Variants in CNTNAP2 observed in about 807,000 individuals in gnomAD.
CNTNAP2 encodes contactin-associated protein-like 2.
CNTNAP2 carries 98 observed loss-of-function variants against 155.2 expected under a neutral mutation model. That is an observed-to-expected ratio of 0.63 (90% CI 0.54 to 0.75). The LOEUF (loss-of-function observed/expected upper bound fraction) is 0.75. Ranked by LOEUF, CNTNAP2 falls within the 30% of genes least tolerant of loss-of-function variation. CNTNAP2 has a pLI of 0.00. For missense variants in CNTNAP2, 1,727 were observed against 1,688.1 expected (o/e 1.02, Z -0.40); for synonymous variants, 651 against 631.2 (o/e 1.03, Z -0.47).
intron 14 of CNTNAP2, among the ~76,000 whole-genome samples, chr7:147,914,877 C>T (rs958511381): frequency 5.9e-5 from 9 of 152,080 alleles, no homozygotes; most frequent in African/African-American, 1.7e-4. Context: ...GTGTATAATC[C>T]ATAACCTTTA....
intron 12 of CNTNAP2, among the ~76,000 whole-genome samples, chr7:147,608,789 C>T (rs779976851): frequency 4.6e-5 from 7 of 151,934 alleles, no homozygotes; most frequent in African/African-American, 7.3e-5. Flanking sequence ...CGGGTGCAGG[C>T]GGGCTGAGTC....
chr7:146,305,878 G>C (rs1253843724), intron 1 of CNTNAP2, among the ~76,000 whole-genome samples: 1 of 151,908 alleles, frequency 6.6e-6, no homozygotes, highest in African/African-American at 2.4e-5. Context: ...CTAGCAGAAG[G>C]CAAGAAATAA....
At chr7:146,365,684 G>A (rs1209020895) in intron 1 of CNTNAP2, among the ~76,000 whole-genome samples, 2 of 152,176 alleles carry the variant, frequency 1.3e-5, no homozygotes, top group Non-Finnish European at 2.9e-5. Flanking sequence ...AATGAAAAAT[G>A]TGAACTATAA....
intron 16 of CNTNAP2, among the ~76,000 whole-genome samples, chr7:148,125,061 T>A (rs1311946125): frequency 4.6e-5 from 7 of 151,900 alleles, no homozygotes; most frequent in African/African-American, 1.7e-4. Flanking sequence ...AGATTTGGGG[T>A]CAAGTCTCAG....
intron 1 of CNTNAP2, among the ~76,000 whole-genome samples, chr7:146,465,641 C>T (rs1796706454): frequency 6.6e-6 from 1 of 152,146 alleles, no homozygotes; most frequent in South Asian, 2.1e-4. Flanking sequence ...AAATGTTTAA[C>T]CAGCTTCTGG....
intron 9 of CNTNAP2, among the ~76,000 whole-genome samples, chr7:147,340,129 G>A (rs1421716023): frequency 6.6e-6 from 1 of 151,028 alleles, no homozygotes; most frequent in Non-Finnish European, 1.5e-5. Context: ...ATACTATCCA[G>A]TAGTAACTTT....
At chr7:147,848,205 G>C (rs1394670387) in intron 13 of CNTNAP2, among the ~76,000 whole-genome samples, 1 of 143,752 alleles carries the variant, frequency 7.0e-6, no homozygotes, top group East Asian at 2.1e-4. Context: ...CCTCGTTGCC[G>C]CCTTGCAGTT....
chr7:146,680,905 G>A (rs571721148), intron 1 of CNTNAP2, among the ~76,000 whole-genome samples: 6 of 152,158 alleles, frequency 3.9e-5, no homozygotes, highest in Non-Finnish European at 7.3e-5. Flanking sequence ...ATGTGTGAAG[G>A]TGTTACAAGA....
chr7:147,110,492 C>T (rs1800853430), intron 5 of CNTNAP2, among the ~76,000 whole-genome samples: 1 of 151,988 alleles, frequency 6.6e-6, no homozygotes, highest in Non-Finnish European at 1.5e-5. Context: ...AGGCTGGCAT[C>T]CATTAGCTAT....
chr7:147,831,427 A>T (rs1484748821), intron 13 of CNTNAP2, among the ~76,000 whole-genome samples: 3 of 152,178 alleles, frequency 2.0e-5, no homozygotes, highest in South Asian at 4.1e-4. Context: ...TTTCATTGTA[A>T]TATTTCTGAA....
At chr7:148,159,570 T>A (rs984940628) in intron 17 of CNTNAP2, among the ~76,000 whole-genome samples, 1 of 152,210 alleles carries the variant, frequency 6.6e-6, no homozygotes, top group Non-Finnish European at 1.5e-5. Flanking sequence ...ACCTAGGTTT[T>A]CTGCAACTCT....
chr7:147,176,603 A>T (rs1429764757), intron 8 of CNTNAP2, among the ~76,000 whole-genome samples: 18 of 144,966 alleles, frequency 1.2e-4, no homozygotes, highest in Non-Finnish European at 1.5e-5. Context: ...TCTTATATAC[A>T]TATGTATAAT....
chr7:146,432,157 A>G (rs549893919), intron 1 of CNTNAP2, among the ~76,000 whole-genome samples: 1 of 152,278 alleles, frequency 6.6e-6, no homozygotes, highest in South Asian at 2.1e-4. Flanking sequence ...AGATGATTCA[A>G]TTTACTCATT....
chr7:147,696,022 T>G (rs929575914), intron 13 of CNTNAP2, among the ~76,000 whole-genome samples: 1 of 152,208 alleles, frequency 6.6e-6, no homozygotes, highest in Admixed American at 6.5e-5. Context: ...CATGTTAGCA[T>G]GATCTATGTT....
At chr7:146,166,673 A>T (rs763985054) in intron 1 of CNTNAP2, among the ~76,000 whole-genome samples, 5 of 152,360 alleles carry the variant, frequency 3.3e-5, no homozygotes, top group African/African-American at 4.8e-5. Flanking sequence ...AGCTATTTTT[A>T]AAAAACTTAC....
At chr7:146,744,227 C>CAAAAA (rs60606492) in intron 1 of CNTNAP2, among the ~76,000 whole-genome samples, 2,665 of 48,128 alleles carry the variant, frequency 0.055, 215 homozygotes, top group Non-Finnish European at 0.087. Context: ...CACTCTGTCT[C>CAAAAA]AAAAAAAAAA....
chr7:146,790,906 A>C (rs942483984), intron 2 of CNTNAP2, among the ~76,000 whole-genome samples: 1 of 151,030 alleles, frequency 6.6e-6, no homozygotes, highest in Non-Finnish European at 1.5e-5. Flanking sequence ...GCCTGGAGAC[A>C]GGCTTTGAGT....
At chr7:148,373,308 T>A (rs1020041721) in intron 21 of CNTNAP2, among the ~76,000 whole-genome samples, 7 of 151,502 alleles carry the variant, frequency 4.6e-5, no homozygotes, top group Non-Finnish European at 1.0e-4. Context: ...ATACAAAAAT[T>A]AGCCAGGTGT....
chr7:147,153,454 G>T (rs1196314014), intron 8 of CNTNAP2, among the ~76,000 whole-genome samples: 2 of 152,052 alleles, frequency 1.3e-5, no homozygotes, highest in African/African-American at 4.8e-5. Context: ...AAACACATCA[G>T]CATAAACCTT....
Sources: gnomAD v4.1 joint callset for allele counts (sites outside exome capture counted in the v4.1 genomes callset) on GRCh38, gnomAD v4.1.1 for gene constraint, MANE v1.5 for transcripts, NCBI Gene and HGNC (gene_info 2026-07-23, HGNC 2026-07-21) for gene names.